WDFY4: variants seen among roughly 807,000 people sequenced by gnomAD.
WDFY4 encodes WD repeat- and FYVE domain-containing protein 4.
In WDFY4, 169 loss-of-function variants were observed where a neutral mutation model predicts 351.9. That is an observed-to-expected ratio of 0.48 (90% confidence interval 0.42 to 0.55). WDFY4 has a LOEUF of 0.55. Among genes scored for constraint, WDFY4 ranks in the 20% least tolerant of loss-of-function variants. The probability of loss-of-function intolerance (pLI) is 0.00; values close to 1 mark genes in which losing one functional copy is unlikely to be tolerated. For synonymous variants in WDFY4, 1,622 were observed against 1,574.6 expected (o/e 1.03, Z -0.71); for missense variants, 3,803 against 3,935.6 (o/e 0.97, Z 0.90).
intron 24 of WDFY4, among the ~76,000 whole-genome samples, chr10:48,800,880 G>A (rs778603601): frequency 7.2e-5 from 11 of 151,792 alleles, no homozygotes; most frequent in African/African-American, 1.5e-4. Flanking sequence ...TTACAGGCAC[G>A]TGCCACCACA....
intron 3 of WDFY4, among the ~76,000 whole-genome samples, chr10:48,720,955 G>A (rs1275273752): frequency 3.3e-5 from 5 of 152,204 alleles, no homozygotes; most frequent in African/African-American, 1.2e-4. Flanking sequence ...CCAGGAAGTA[G>A]GGGGAGATTC....
intron 45 of WDFY4, among the ~76,000 whole-genome samples, chr10:48,898,890 T>C (rs1339631274): frequency 6.6e-6 from 1 of 152,196 alleles, no homozygotes; most frequent in African/African-American, 2.4e-5. Flanking sequence ...TTAGCTCCTG[T>C]GGGCACCTCT....
chr10:48,857,505 A>G (rs1485221041), intron 39 of WDFY4, among the ~76,000 whole-genome samples: 2 of 152,158 alleles, frequency 1.3e-5, no homozygotes, highest in Non-Finnish European at 2.9e-5. Flanking sequence ...CAAAAATGTC[A>G]TAGTATTTTG....
Position 48,810,626 on chromosome 10 carries a change from G to T in WDFY4, c.4935G>T (p.Lys1645Asn). ...CCAGCACCACTGTGCTGGCATTGAAGCTGCTGCTGTACTTTCTGGCAAGCC... is the reference window on the plus strand; with the variant it reads ...CCAGCACCACTGTGCTGGCATTGAATCTGCTGCTGTACTTTCTGGCAAGCC... ...LHASTTVLAL[K>N]LLLYFLASPS... Residue 1645 changes from lysine to asparagine, a missense_variant, in exon 29 of 62, where the codon AAG (lysine) becomes AAT (asparagine). Around this residue, in one of 3 missense-constraint regions of WDFY4, gnomAD observed 3,054 missense variants for 3,148.6 expected, o/e 0.97. Transcript: ENST00000325239. 6.4e-7 allele frequency: 1 copy of T among 1,551,632 alleles called. No homozygotes were observed. Among genetic ancestry groups the T allele is most frequent in the Non-Finnish European group, 8.7e-7 (1 of 1,146,988 alleles).
rs116324839 is a variant in WDFY4, at chr10:48,817,292, C to T, written c.5388C>T (p.Ala1796=). The T allele has an allele frequency of 8.5e-4, 1,313 of 1,551,742 alleles. 5 individuals carry two copies. In the African/African-American group the frequency reaches 0.016, roughly 19 times the overall value. The change falls in exon 32 of 62, where the codon GCC becomes GCT. Residue 1796 remains alanine, a synonymous_variant. Transcript: ENST00000325239. ...GTGCCTGGGCACAGACCTTCCCGGCCAGCGTGCTGCAGTTCCTCAGCCTCG... is the reference window on the plus strand; with the variant it reads ...GTGCCTGGGCACAGACCTTCCCGGCTAGCGTGCTGCAGTTCCTCAGCCTCG... ...EDGAWAQTFP[A]SVLQFLSLVH... is the part of the protein sequence containing the mutation.
chr10:48,790,822 G>A lies in WDFY4; in HGVS notation c.4162G>A (p.Asp1388Asn), dbSNP rs1178627567. The A allele has an allele frequency of 6.4e-7, 1 of 1,551,810 alleles. No individual in the cohort carries two copies. The highest frequency in any genetic ancestry group is 8.7e-7 in the Non-Finnish European group (1 of 1,147,026). The change falls in exon 23 of 62, where the codon GAC (aspartate) becomes AAC (asparagine). Residue 1388 changes from aspartate to asparagine, a missense_variant. Asp to Asn is a conservative substitution (Grantham distance 23, BLOSUM62 1). This residue lies in a region of WDFY4 where 3,054 missense variants were observed against 3,148.6 expected (regional missense o/e 0.97). Transcript: ENST00000325239. ...GGGCCTCATCTCCTTAGCGACAGAT[G>A]ACCATACCATGTATGCGGCTGTGAA... The part of the protein sequence containing the change: ...LLGLISLATD[D>N]HTMYAAVKVL...
At chr10:48,913,253 A>T in intron 47 of WDFY4, 1 of 780,622 alleles carries the variant, frequency 1.3e-6, no homozygotes, top group Non-Finnish European at 2.1e-6. Flanking sequence ...CCGAGAAAGT[A>T]AGGAAAGGAG....
intron 50 of WDFY4, 131 bp downstream of exon 50, chr10:48,946,288 G>A (rs1337459644): frequency 2.8e-6 from 2 of 714,612 alleles, no homozygotes; most frequent in African/African-American, 1.9e-5. Context: ...CTAACCTGGT[G>A]GTAGGAAGTG....
rs180843243 is a variant in WDFY4 at position 48,897,543 on chromosome 10, G to A, written c.7406G>A (p.Arg2469Gln). Residue 2469 changes from arginine (R) to glutamine (Q), a missense_variant, in exon 45 of 62, where the codon CGG becomes CAG. This residue lies in a region of WDFY4 where 3,054 missense variants were observed against 3,148.6 expected (regional missense o/e 0.97). Coordinates refer to ENST00000325239, the MANE Select transcript of WDFY4 (RefSeq NM_001394531.1). The part of the protein sequence containing the change: ...SCQCHSYADM[R>Q]ELRQARFLLQ... The stretch of plus-strand genomic sequence containing the variant: ...CAGTGCCACAGCTACGCTGACATGC[G>A]GGAGCTACGGCAGGCTCGCTTCCTC... 1.2e-5 allele frequency: 19 copies of A among 1,550,124 alleles called. No homozygotes were observed. The highest frequency in any genetic ancestry group is 9.6e-5 in the African/African-American group (7 of 73,192).
intron 1 of WDFY4, among the ~76,000 whole-genome samples, chr10:48,687,661 C>T (rs2063087799): frequency 1.5e-5 from 2 of 137,306 alleles, no homozygotes; most frequent in African/African-American, 5.5e-5. Flanking sequence ...GTCACCCAGG[C>T]TGGAGTGCAA....
At chr10:48,814,262 A>G (rs1005991842) in intron 31 of WDFY4, among the ~76,000 whole-genome samples, 180 bp downstream of exon 31, 2 of 152,236 alleles carry the variant, frequency 1.3e-5, no homozygotes, top group Non-Finnish European at 2.9e-5. Flanking sequence ...AACCCAGCCT[A>G]TAGGTCTCTG....
chr10:48,735,109 A>G (rs1243914443), intron 10 of WDFY4, among the ~76,000 whole-genome samples: 1 of 152,038 alleles, frequency 6.6e-6, no homozygotes, highest in Non-Finnish European at 1.5e-5. Context: ...ACTTTTAAAC[A>G]TGCTTTCAAG....
chr10:48,728,158 T>A (rs2064331611), intron 7 of WDFY4, among the ~76,000 whole-genome samples: 1 of 152,246 alleles, frequency 6.6e-6, no homozygotes, highest in Non-Finnish European at 1.5e-5. Flanking sequence ...TGCTTGCTAA[T>A]GCTCTTGGAC....
At chr10:48,903,744 C>CCATA (rs201594577) in intron 47 of WDFY4, among the ~76,000 whole-genome samples, 4,810 of 152,230 alleles carry the variant, frequency 0.032, 241 homozygotes, top group African/African-American at 0.11. Context: ...ATCTCAAAGA[C>CCATA]ATCATGGAGC....
intron 53 of WDFY4, among the ~76,000 whole-genome samples, chr10:48,961,489 T>G (rs1841858855): frequency 6.6e-6 from 1 of 151,580 alleles, no homozygotes; most frequent in African/African-American, 2.4e-5. Context: ...CCCAGAAAGG[T>G]GAGGAGGATG....
intron 51 of WDFY4, among the ~76,000 whole-genome samples, chr10:48,956,161 C>G (rs535333344): frequency 6.6e-6 from 1 of 152,326 alleles, no homozygotes; most frequent in African/African-American, 2.4e-5. Flanking sequence ...AAGAGTTTGA[C>G]AATTCACATG....
At chr10:48,909,800 C>T (rs1036769439) in intron 47 of WDFY4, 6 of 160,708 alleles carry the variant, frequency 3.7e-5, no homozygotes, top group South Asian at 3.6e-4. Context: ...GATCAAATCT[C>T]AACATGAGGT....
At chr10:48,920,134 G>C (rs1211140988) in intron 47 of WDFY4, among the ~76,000 whole-genome samples, 2 of 150,852 alleles carry the variant, frequency 1.3e-5, no homozygotes, top group Admixed American at 6.6e-5. Context: ...AAAAAAAAAA[G>C]ATCTTATAAT....
At chr10:48,734,523 C>CAT (rs10653287) in intron 10 of WDFY4, among the ~76,000 whole-genome samples, 63,919 of 144,756 alleles carry the variant, frequency 0.44, 14,233 homozygotes, top group East Asian at 0.64. Context: ...ATAATATGTG[C>CAT]ATATATATAT....
Sources: allele counts gnomAD v4.1 joint callset (sites outside exome capture counted in the v4.1 genomes callset), GRCh38; gene constraint gnomAD v4.1.1; regional missense constraint gnomAD v4.1.1; transcripts MANE v1.5; gene names NCBI Gene and HGNC (gene_info 2026-07-23, HGNC 2026-07-21).